Variants in FAM89B observed in about 807,000 individuals in gnomAD.
FAM89B encodes the protein family with sequence similarity 89 member B.
FAM89B carries 9 observed loss-of-function variants against 13.4 expected under a neutral mutation model. The observed-to-expected ratio is 0.67, with a 90% CI of 0.40 to 1.17. FAM89B has a LOEUF of 1.17. Ranked by LOEUF, FAM89B falls within the 50% of genes most tolerant of loss-of-function variation. FAM89B has a pLI of 0.01. For missense variants in FAM89B, 256 were observed against 256.1 expected, an observed-to-expected ratio of 1.00 and a Z score of 0.00; for synonymous variants, 138 against 121.2, an observed-to-expected ratio of 1.14 and a Z score of -0.91.
Position 65,572,785 on chromosome 11 carries a change from G to C in FAM89B, c.116G>C (p.Arg39Pro). 8.3e-7 allele frequency: 1 copy of C among 1,197,864 alleles called. No homozygotes were observed. Among genetic ancestry groups the C allele is most frequent in the Non-Finnish European group, 1.0e-6 (1 of 959,302 alleles). The allele number at this position is 1,197,864 out of a possible 1,614,324, so 74.2% of individuals were successfully genotyped here. Residue 39 changes from arginine (R) to proline (P), a missense_variant, in exon 1 of 2, where the codon CGG (arginine) becomes CCG (proline). Physicochemically the swap from Arg to Pro is moderately radical, Grantham distance 103. Coordinates refer to ENST00000530349, the MANE Select transcript of FAM89B (RefSeq NM_001098785.2). ...CTTAATGCGAGCGGGGGCTCGTGGCGGGAGCTGGAGCGCGTCTACAGCCAG... is the reference window on the plus strand; with the variant it reads ...CTTAATGCGAGCGGGGGCTCGTGGCCGGAGCTGGAGCGCGTCTACAGCCAG... ...GLLNASGGSWRELERVYSQRS... is the reference protein window; with the variant it reads ...GLLNASGGSWPELERVYSQRS...
chr11:65,573,226 C>T, intron 1 of FAM89B, 137 bp from the exon 2 acceptor site: 2 of 1,102,868 alleles, frequency 1.8e-6, no homozygotes, highest in Non-Finnish European at 2.4e-6. Context: ...GCATAGCTTG[C>T]AGGTGGTGCC....
In FAM89B at chr11:65,572,821, T is replaced by G; in HGVS notation, c.152T>G (p.Ile51Ser). The G allele has an allele frequency of 8.3e-7, 1 of 1,204,982 alleles. No individual in the cohort carries two copies. Among genetic ancestry groups the G allele is most frequent in the South Asian group, 3.0e-5 (1 of 33,444 alleles). The allele number at this position is 1,204,982 out of a possible 1,614,324, so 74.6% of individuals were successfully genotyped here. A position where few individuals can be genotyped will look rare whatever the true frequency, so the allele number is the denominator to read the frequency against. Reference sequence around the variant, plus strand: ...CGCGTCTACAGCCAGCGCAGCCGCATCCACGACGAGCTGAGCCGCGCCGCC... The same window carrying G: ...CGCGTCTACAGCCAGCGCAGCCGCAGCCACGACGAGCTGAGCCGCGCCGCC... ...LERVYSQRSR[I>S]HDELSRAARA... The change falls in exon 1 of 2, where the codon ATC becomes AGC. Residue 51 changes from isoleucine (I) to serine (S), a missense_variant. Coordinates refer to ENST00000530349, the MANE Select transcript of FAM89B (RefSeq NM_001098785.2).
chr11:65,572,593 GC>G lies in FAM89B; in HGVS notation c.-76del. The G allele has an allele frequency of 8.1e-7, 1 of 1,236,186 alleles. No individual in the cohort carries two copies. Among genetic ancestry groups the G allele is most frequent in the Non-Finnish European group, 1.0e-6 (1 of 993,926 alleles). 76.6% of individuals were successfully genotyped at this position (1,236,186 alleles called of 1,614,324 possible). On this transcript the variant is annotated 5_prime_UTR_variant, in exon 1 of 2. Coordinates refer to ENST00000530349, the MANE Select transcript of FAM89B (RefSeq NM_001098785.2). ...CTGGGCTCCGGCGGGGCCGCGGGGT[GC>G]GGGGCCTGCGGGCGGCGGCCCGGGC...
chr11:65,573,554 G>A lies in FAM89B; in HGVS notation c.483G>A (p.Leu161=), dbSNP rs201502824. ...SDDEEPPDAS[L]PPDPPPLTVP... ...ACGAGGAGCCTCCCGATGCCAGCCT[G>A]CCTCCTGACCCGCCACCCCTTACTG... Residue 161 remains leucine (L), a synonymous_variant, in exon 2 of 2, where the codon CTG becomes CTA. Transcript: ENST00000530349. 287 of 1,613,734 alleles carry A rather than the reference G, an allele frequency of 1.8e-4. No homozygotes were observed. Among genetic ancestry groups the A allele is most frequent in the Admixed American group, 4.8e-4 (29 of 59,996 alleles).
chr11:65,573,294 A>T, intron 1 of FAM89B, 69 bp from the exon 2 acceptor site: 1 of 1,383,964 alleles, frequency 7.2e-7, no homozygotes, highest in South Asian at 1.5e-5. Flanking sequence ...GGGGCCCACT[A>T]TTCCAGGGGG....
In FAM89B at chr11:65,573,690, C is replaced by T. The variant is rs750949485; in HGVS notation, c.*49C>T. 42 of 1,532,496 alleles carry T rather than the reference C, an allele frequency of 2.7e-5. No individual in the cohort carries two copies. The highest frequency in any genetic ancestry group is 3.6e-5 in the Non-Finnish European group (41 of 1,142,870). The allele number at this position is 1,532,496 out of a possible 1,614,324, so 94.9% of individuals were successfully genotyped here. On this transcript the variant is annotated 3_prime_UTR_variant, in exon 2 of 2. Transcript: ENST00000530349. The stretch of plus-strand genomic sequence containing the variant: ...CACCCATGCAAAAGGCTCAGAAACT[C>T]CCCCTCCGGCAAGCCCTCAGACTTC...
At position 65,572,722 on chromosome 11, in the gene FAM89B, C is replaced by G; in HGVS notation, c.53C>G (p.Ala18Gly). 1 of 1,164,128 alleles carries G rather than the reference C, an allele frequency of 8.6e-7. No homozygotes were observed. The highest frequency in any genetic ancestry group is 1.1e-6 in the Non-Finnish European group (1 of 944,606). The allele number at this position is 1,164,128 out of a possible 1,614,324, so 72.1% of individuals were successfully genotyped here. A position where few individuals can be genotyped will look rare whatever the true frequency, so the allele number is the denominator to read the frequency against. Reference protein sequence around the residue: ...EAPGGAGCALAGLPPLPRGLS... With the variant: ...EAPGGAGCALGGLPPLPRGLS... ...CCGGGCGGGGCGGGCTGCGCTTTGGCCGGGCTCCCACCGCTGCCGCGCGGC... is the reference window on the plus strand; with the variant it reads ...CCGGGCGGGGCGGGCTGCGCTTTGGGCGGGCTCCCACCGCTGCCGCGCGGC... Residue 18 changes from alanine (A) to glycine (G), a missense_variant, in exon 1 of 2, where the codon GCC (alanine) becomes GGC (glycine). Physicochemically the swap from Ala to Gly is moderately conservative, Grantham distance 60 (BLOSUM62 0). Coordinates refer to ENST00000530349, the MANE Select transcript of FAM89B (RefSeq NM_001098785.2).
rs1857179550 is a variant in FAM89B, at chr11:65,574,051, C to G, written c.*410C>G. 5.9e-6 allele frequency: 1 copy of G among 170,120 alleles called. No homozygotes were observed. Among genetic ancestry groups the G allele is most frequent in the Non-Finnish European group, 1.3e-5 (1 of 78,846 alleles). The allele number at this position is 170,120 out of a possible 1,614,324, so 10.5% of individuals were successfully genotyped here. On this transcript the variant is annotated 3_prime_UTR_variant, in exon 2 of 2. Coordinates refer to ENST00000530349, the MANE Select transcript of FAM89B (RefSeq NM_001098785.2). ...CTCAGGGGCATCCCACCTCCGGGCTCTGGGTTCCTCTGCCCTGGAAGGGCT... is the reference window on the plus strand; with the variant it reads ...CTCAGGGGCATCCCACCTCCGGGCTGTGGGTTCCTCTGCCCTGGAAGGGCT...
At position 65,572,594 on chromosome 11, in the gene FAM89B, C is replaced by T. The variant is rs1857150383; in HGVS notation, c.-76C>T. 5.7e-6 allele frequency: 7 copies of T among 1,233,630 alleles called. No homozygotes were observed. Among genetic ancestry groups the T allele is most frequent in the Admixed American group, 4.4e-5 (1 of 22,936 alleles). 76.4% of individuals were successfully genotyped at this position (1,233,630 alleles called of 1,614,324 possible). A position where few individuals can be genotyped will look rare whatever the true frequency, so the allele number is the denominator to read the frequency against. The stretch of plus-strand genomic sequence containing the variant: ...TGGGCTCCGGCGGGGCCGCGGGGTG[C>T]GGGGCCTGCGGGCGGCGGCCCGGGC... On this transcript the variant is annotated 5_prime_UTR_variant, in exon 1 of 2. Transcript: ENST00000530349.
Position 65,574,178 on chromosome 11 carries a change from T to G in FAM89B, c.*537T>G. 1 of 152,526 alleles carries G rather than the reference T, an allele frequency of 6.6e-6. No individual in the cohort carries two copies. Among genetic ancestry groups the G allele is most frequent in the Non-Finnish European group, 1.5e-5 (1 of 68,150 alleles). The allele number at this position is 152,526 out of a possible 1,614,324, so 9.4% of individuals were successfully genotyped here. ...TCTCCAGGGCGCGTAGATAAATAAATACACTCAGCGTCGTTGTGCTCTGCC... is the reference window on the plus strand; with the variant it reads ...TCTCCAGGGCGCGTAGATAAATAAAGACACTCAGCGTCGTTGTGCTCTGCC... On this transcript the variant is annotated 3_prime_UTR_variant, in exon 2 of 2. Coordinates refer to ENST00000530349, the MANE Select transcript of FAM89B (RefSeq NM_001098785.2).
chr11:65,573,594 A>T lies in FAM89B; in HGVS notation c.523A>T (p.Asn175Tyr). 6.2e-7 allele frequency: 1 copy of T among 1,612,438 alleles called. No homozygotes were observed. Among genetic ancestry groups the T allele is most frequent in the Non-Finnish European group, 8.5e-7 (1 of 1,179,928 alleles). The change falls in exon 2 of 2, where the codon AAT (asparagine) becomes TAT (tyrosine). Residue 175 changes from asparagine to tyrosine, a missense_variant. Coordinates refer to ENST00000530349, the MANE Select transcript of FAM89B (RefSeq NM_001098785.2). ...PPPLTVPQTH[N>Y]ARDQWLQDAF... ...ACCCCTTACTGTGCCCCAGACGCAC[A>T]ATGCCCGTGACCAGTGGCTGCAGGA...
chr11:65,572,798 C>G lies in FAM89B; in HGVS notation c.129C>G (p.Arg43=), dbSNP rs1361352367. The part of the protein sequence containing the change: ...ASGGSWRELE[R]VYSQRSRIHD... ...GGGGCTCGTGGCGGGAGCTGGAGCG[C>G]GTCTACAGCCAGCGCAGCCGCATCC... The change falls in exon 1 of 2, where the codon CGC becomes CGG. Residue 43 remains arginine, a synonymous_variant. Transcript: ENST00000530349. 8.3e-7 allele frequency: 1 copy of G among 1,205,770 alleles called. No individual in the cohort carries two copies. The highest frequency in any genetic ancestry group is 1.0e-6 in the Non-Finnish European group (1 of 963,596). The allele number at this position is 1,205,770 out of a possible 1,614,324, so 74.7% of individuals were successfully genotyped here. A position where few individuals can be genotyped will look rare whatever the true frequency, so the allele number is the denominator to read the frequency against.
At position 65,573,357 on chromosome 11, in the gene FAM89B, C is replaced by G. The variant is rs1857165822; in HGVS notation, c.292-6C>G. The G allele has an allele frequency of 6.5e-7, 1 of 1,544,818 alleles. No homozygotes were observed. The stretch of plus-strand genomic sequence containing the variant: ...CCAACTCCAGCCCACCCTCAGTTGT[C>G]TGCAGGTGGGGCTGCGGCAGTTGGA... On this transcript the variant is annotated splice_region_variant and splice_polypyrimidine_tract_variant and intron_variant, in intron 1 of 1. Transcript: ENST00000530349.
Position 65,573,742 on chromosome 11 carries a change from C to G in FAM89B, c.*101C>G, listed in dbSNP as rs1419769239. 1.5e-6 allele frequency: 2 copies of G among 1,371,622 alleles called. No individual in the cohort carries two copies. The highest frequency in any genetic ancestry group is 4.7e-5 in the East Asian group (2 of 42,404). The allele number at this position is 1,371,622 out of a possible 1,614,324, so 85.0% of individuals were successfully genotyped here. On this transcript the variant is annotated 3_prime_UTR_variant, in exon 2 of 2. Coordinates refer to ENST00000530349, the MANE Select transcript of FAM89B (RefSeq NM_001098785.2). The stretch of plus-strand genomic sequence containing the variant: ...GAGCCTGCGCCTTCCCCCCTACCGC[C>G]TCACCTCACAGGAGGGCCAGGCATG...
In FAM89B at chr11:65,572,810, G is replaced by A. The variant is rs2135189173; in HGVS notation, c.141G>A (p.Gln47=). The change falls in exon 1 of 2, where the codon CAG becomes CAA. Residue 47 remains glutamine (Q), a synonymous_variant. Transcript: ENST00000530349. ...GGGAGCTGGAGCGCGTCTACAGCCAGCGCAGCCGCATCCACGACGAGCTGA... is the reference window on the plus strand; with the variant it reads ...GGGAGCTGGAGCGCGTCTACAGCCAACGCAGCCGCATCCACGACGAGCTGA... The part of the protein sequence containing the change: ...SWRELERVYS[Q]RSRIHDELSR... 3 of 1,206,970 alleles carry A rather than the reference G, an allele frequency of 2.5e-6. No homozygotes were observed. The highest frequency in any genetic ancestry group is 3.5e-5 in the Admixed American group (1 of 28,302). 74.8% of individuals were successfully genotyped at this position (1,206,970 alleles called of 1,614,324 possible).
Position 65,573,824 on chromosome 11 carries a change from TGG to T in FAM89B, c.*186_*187del. On this transcript the variant is annotated 3_prime_UTR_variant, in exon 2 of 2. Coordinates refer to ENST00000530349, the MANE Select transcript of FAM89B (RefSeq NM_001098785.2). ...TCTCCTGTCTTGGGTTGGCTGGCAC[TGG>T]GGCGGGCATCTAGGGTACAGCCTCT... is the stretch of plus-strand genomic sequence containing the variant. 1 of 713,668 alleles carries T rather than the reference TGG, an allele frequency of 1.4e-6. No homozygotes were observed. Among genetic ancestry groups the T allele is most frequent in the Non-Finnish European group, 2.2e-6 (1 of 447,708 alleles). 44.2% of individuals were successfully genotyped at this position (713,668 alleles called of 1,614,324 possible).
rs918499325 is a variant in FAM89B, at chr11:65,572,566, G to C, written c.-104G>C. 1 of 1,426,432 alleles carries C rather than the reference G, an allele frequency of 7.0e-7. No homozygotes were observed. Among genetic ancestry groups the C allele is most frequent in the Non-Finnish European group, 9.2e-7 (1 of 1,084,494 alleles). The allele number at this position is 1,426,432 out of a possible 1,614,324, so 88.4% of individuals were successfully genotyped here. ...GAACAAAGCGAGGCCTGCGGGCGGC[G>C]GCTGGGCTCCGGCGGGGCCGCGGGG... On this transcript the variant is annotated 5_prime_UTR_variant, in exon 1 of 2. Transcript: ENST00000530349.
Position 65,573,815 on chromosome 11 carries a change from G to C in FAM89B, c.*174G>C, listed in dbSNP as rs1158330282. 9 of 784,408 alleles carry C rather than the reference G, an allele frequency of 1.1e-5. No individual in the cohort carries two copies. The highest frequency in any genetic ancestry group is 1.8e-5 in the Non-Finnish European group (9 of 511,650). 48.6% of individuals were successfully genotyped at this position (784,408 alleles called of 1,614,324 possible). Reference sequence around the variant, plus strand: ...CAAACTCTTTCTCCTGTCTTGGGTTGGCTGGCACTGGGGCGGGCATCTAGG... The same window carrying C: ...CAAACTCTTTCTCCTGTCTTGGGTTCGCTGGCACTGGGGCGGGCATCTAGG... On this transcript the variant is annotated 3_prime_UTR_variant, in exon 2 of 2. Transcript: ENST00000530349.
Position 65,574,184 on chromosome 11 carries a change from C to T in FAM89B, c.*543C>T, listed in dbSNP as rs1385479008. ...GGGCGCGTAGATAAATAAATACACTCAGCGTCGTTGTGCTCTGCCTGGCTG... is the reference window on the plus strand; with the variant it reads ...GGGCGCGTAGATAAATAAATACACTTAGCGTCGTTGTGCTCTGCCTGGCTG... On this transcript the variant is annotated 3_prime_UTR_variant, in exon 2 of 2. Coordinates refer to ENST00000530349, the MANE Select transcript of FAM89B (RefSeq NM_001098785.2). The T allele has an allele frequency of 6.5e-6, 1 of 153,140 alleles. No individual in the cohort carries two copies. The highest frequency in any genetic ancestry group is 1.5e-5 in the Non-Finnish European group (1 of 68,332). The allele number at this position is 153,140 out of a possible 1,614,324, so 9.5% of individuals were successfully genotyped here. A position where few individuals can be genotyped will look rare whatever the true frequency, so the allele number is the denominator to read the frequency against.
Sources: allele counts gnomAD v4.1 joint callset, GRCh38; gene constraint gnomAD v4.1.1; transcripts MANE v1.5; gene names NCBI Gene and HGNC (gene_info 2026-07-23, HGNC 2026-07-21).